Variants in SLC28A1 observed in about 807,000 individuals in gnomAD.
SLC28A1 encodes sodium/nucleoside cotransporter 1.
A neutral mutation model predicts 74.8 loss-of-function variants in SLC28A1; 64 were observed. The ratio of observed to expected loss-of-function variants is 0.86; its 90% confidence interval spans 0.70 to 1.05. The LOEUF is 1.05. SLC28A1 is among the 50% of genes least tolerant of loss of function. The pLI, the probability that SLC28A1 is intolerant of heterozygous loss-of-function variation, is 0.00. For synonymous variants in SLC28A1, 359 were observed against 335.0 expected (o/e 1.07, Z -0.78); for missense variants, 828 against 822.8 (o/e 1.01, Z -0.08).
At chr15:84,895,778 G>A (rs1965936619) in intron 6 of SLC28A1, 2 of 1,186,906 alleles carry the variant, frequency 1.7e-6, no homozygotes, top group South Asian at 2.1e-5. Flanking sequence ...AGTTTCTATG[G>A]CTTAAAAAAA....
At chr15:84,895,924 A>T in intron 6 of SLC28A1, 1 of 996,578 alleles carries the variant, frequency 1.0e-6, no homozygotes, top group Non-Finnish European at 1.2e-6. Flanking sequence ...TGAGATCCAC[A>T]TACCACAGCA....
In SLC28A1 at chr15:84,906,966, T is replaced by C. The variant is rs116084818; in HGVS notation, c.717+1314T>C. 9.3e-3 allele frequency among the ~76,000 whole-genome samples: 1,423 copies of C among 152,270 alleles called. 24 individuals are homozygous for C. Among genetic ancestry groups the C allele is most frequent in the African/African-American group, 0.033 (1,371 of 41,548 alleles). ...CCTCATTCTATAAAAATAGAGTGGG[T>C]GTTCCGATGAGTTGAGTGGAGGAGG... On this transcript the variant is annotated intron_variant, in intron 8 of 18. Transcript: ENST00000394573.
chr15:84,918,658 G>C, intron 10 of SLC28A1, 54 bp downstream of exon 10: 1 of 1,366,354 alleles, frequency 7.3e-7, no homozygotes, highest in Non-Finnish European at 1.0e-6. Flanking sequence ...AGCTCACAGG[G>C]TTCACACTGT....
chr15:84,886,457 G>T (rs1032961256), intron 1 of SLC28A1: 8 of 985,342 alleles, frequency 8.1e-6, no homozygotes, highest in South Asian at 4.7e-5. Flanking sequence ...AGGTCAGTTT[G>T]GGAACTGGGG....
intron 12 of SLC28A1, among the ~76,000 whole-genome samples, chr15:84,927,264 A>G (rs1466042389): frequency 6.6e-6 from 1 of 152,208 alleles, no homozygotes; most frequent in African/African-American, 2.4e-5. Flanking sequence ...ATCAGCTCAC[A>G]AAAGGGAGAT....
At chr15:84,891,020 G>A (rs1596199753) in intron 5 of SLC28A1, among the ~76,000 whole-genome samples, 1 of 152,320 alleles carries the variant, frequency 6.6e-6, no homozygotes, top group East Asian at 1.9e-4. Context: ...GGAGTGTCAG[G>A]GGATGGGGCT....
At chr15:84,889,300 C>T (rs1162961428) in intron 4 of SLC28A1, among the ~76,000 whole-genome samples, 2 of 152,150 alleles carry the variant, frequency 1.3e-5, no homozygotes, top group East Asian at 1.9e-4. Context: ...GCATAGGCAG[C>T]GAGTGTCTGA....
At chr15:84,955,180 C>T in the SLC28A1 span, among the ~76,000 whole-genome samples, 2 of 152,314 alleles carry the variant, frequency 1.3e-5, no homozygotes, top group African/African-American at 4.8e-5. Flanking sequence ...GTGGTTCCAG[C>T]CCACAGCCAT....
intron 8 of SLC28A1, among the ~76,000 whole-genome samples, chr15:84,906,029 T>C (rs539529507): frequency 5.7e-4 from 86 of 150,888 alleles, no homozygotes; most frequent in African/African-American, 2.0e-3. Context: ...TTTTTTTTTT[T>C]TTTCTTTCAA....
chr15:84,974,662 G>A, the SLC28A1 span, among the ~76,000 whole-genome samples: 1 of 152,176 alleles, frequency 6.6e-6, no homozygotes, highest in Non-Finnish European at 1.5e-5. Context: ...CTACCCTGGT[G>A]CAAGTGTTAG....
intron 12 of SLC28A1, among the ~76,000 whole-genome samples, chr15:84,924,728 T>C (rs1970273426): frequency 6.6e-6 from 1 of 152,240 alleles, no homozygotes; most frequent in African/African-American, 2.4e-5. Flanking sequence ...TTTACATTCA[T>C]AAAACACCTT....
intron 13 of SLC28A1, among the ~76,000 whole-genome samples, chr15:84,934,252 G>T (rs1330220209): frequency 6.6e-6 from 1 of 152,196 alleles, no homozygotes; most frequent in Non-Finnish European, 1.5e-5. Context: ...AATGGACCAG[G>T]CAAGGCTTGG....
chr15:84,949,251 G>A (rs994367823), downstream of SLC28A1, among the ~76,000 whole-genome samples: 2 of 152,170 alleles, frequency 1.3e-5, no homozygotes, highest in South Asian at 4.1e-4. Context: ...AGAGCAAGTC[G>A]AAGATGAAGC....
rs754554048 is a variant in SLC28A1, at chr15:84,895,077, T to C, written c.415T>C (p.Phe139Leu). Residue 139 changes from phenylalanine (F) to leucine (L), a missense_variant, in exon 6 of 19, where the codon TTT becomes CTT. Phe to Leu is a conservative substitution (Grantham distance 22). Around this residue, in one of 3 missense-constraint regions of SLC28A1, gnomAD observed 767 missense variants for 753.5 expected, o/e 1.02. Coordinates refer to ENST00000394573, the MANE Select transcript of SLC28A1 (RefSeq NM_004213.5). ...KRLLGPKLRR[F>L]LKPQGHPRLL... Reference sequence around the variant, plus strand: ...GCTTCTGGGGCCAAAGCTGAGGAGGTTTCTCAAGCCTCAGGGCCATCCCCG... The same window carrying C: ...GCTTCTGGGGCCAAAGCTGAGGAGGCTTCTCAAGCCTCAGGGCCATCCCCG... The C allele has an allele frequency of 2.5e-6, 4 of 1,593,296 alleles. No homozygotes were observed. Among genetic ancestry groups the C allele is most frequent in the Non-Finnish European group, 2.6e-6 (3 of 1,169,114 alleles).
Position 84,893,837 on chromosome 15 carries a change from C to T in SLC28A1, c.278-1103C>T, listed in dbSNP as rs572618489. Among the ~76,000 whole-genome samples the T allele has an allele frequency of 2.6e-5, 4 of 152,318 alleles. No homozygotes were observed. In the South Asian group the frequency reaches 6.2e-4, roughly 24 times the overall value. On this transcript the variant is annotated intron_variant, in intron 5 of 18. Coordinates refer to ENST00000394573, the MANE Select transcript of SLC28A1 (RefSeq NM_004213.5). ...TCCTCTCTCTGCAGTCCTGGGACCT[C>T]CCTGGGACTCGACCAGGAAGCCAGT... is the stretch of plus-strand genomic sequence containing the variant.
chr15:84,897,980 G>A (rs1407112971), intron 6 of SLC28A1, among the ~76,000 whole-genome samples: 2 of 152,034 alleles, frequency 1.3e-5, no homozygotes, highest in African/African-American at 2.4e-5. Context: ...TTTTTTTATG[G>A]CTGAATAATA....
chr15:84,936,456 C>T (rs1223067335), intron 15 of SLC28A1, among the ~76,000 whole-genome samples: 1 of 151,932 alleles, frequency 6.6e-6, no homozygotes, highest in Non-Finnish European at 1.5e-5. Context: ...CGGGGTTCAC[C>T]ATGTTGGCCA....
chr15:84,973,398 C>T, the SLC28A1 span, among the ~76,000 whole-genome samples: 1 of 152,196 alleles, frequency 6.6e-6, no homozygotes, highest in Non-Finnish European at 1.5e-5. Context: ...ATCCGGGGCT[C>T]AACCATTGAC....
the SLC28A1 span, among the ~76,000 whole-genome samples, chr15:84,973,974 C>T: frequency 6.6e-6 from 1 of 152,132 alleles, no homozygotes; most frequent in Non-Finnish European, 1.5e-5. Context: ...ACACATCTCC[C>T]CTGACAAGAG....
Sources: gnomAD v4.1 joint callset for allele counts (sites outside exome capture counted in the v4.1 genomes callset) on GRCh38, gnomAD v4.1.1 for gene constraint, gnomAD v4.1.1 regional missense constraint, MANE v1.5 for transcripts, NCBI Gene and HGNC (gene_info 2026-07-23, HGNC 2026-07-21) for gene names.